The following RGS6 variants were observed in gnomAD, a reference collection of about 807,000 sequenced individuals.
RGS6 encodes regulator of G protein signaling 6, also known as regulator of G-protein signaling 6.
In RGS6, 30 loss-of-function variants were observed where a neutral mutation model predicts 78.5. That is an observed-to-expected ratio of 0.38 (90% CI 0.29 to 0.52). The LOEUF (loss-of-function observed/expected upper bound fraction) is 0.52, where lower values mean the gene tolerates loss of function less well. Among genes scored for constraint, RGS6 ranks in the 20% least tolerant of loss-of-function variants. RGS6 has a pLI of 0.85. For missense variants in RGS6, 495 were observed against 609.7 expected (o/e 0.81, Z 1.98); for synonymous variants, 206 against 206.0 (o/e 1.00, Z 0.00).
At chr14:72,047,698 A>T (rs2153400526) in intron 2 of RGS6, among the ~76,000 whole-genome samples, 1 of 152,152 alleles carries the variant, frequency 6.6e-6, no homozygotes, top group South Asian at 2.1e-4. Flanking sequence ...TTTTGCCTTC[A>T]TATCATGGTT....
intron 2 of RGS6, among the ~76,000 whole-genome samples, chr14:72,323,539 G>A (rs1368483899): frequency 6.6e-6 from 1 of 151,598 alleles, no homozygotes; most frequent in African/African-American, 2.4e-5. Context: ...TTAAGAAAGG[G>A]GGATTAGCCC....
the RGS6 span, among the ~76,000 whole-genome samples, chr14:71,885,056 A>G: frequency 1.3e-5 from 2 of 152,068 alleles, no homozygotes; most frequent in African/African-American, 2.4e-5. Context: ...GTCCAATACT[A>G]TTGCCATCCC....
chr14:72,558,559 A>C (rs2097620385), intron 17 of RGS6, among the ~76,000 whole-genome samples: 2 of 152,176 alleles, frequency 1.3e-5, no homozygotes, highest in Non-Finnish European at 1.5e-5. Context: ...CACTGCACAA[A>C]AGGGGGCTAT....
At chr14:72,047,909 T>TC (rs1397223749) in intron 2 of RGS6, among the ~76,000 whole-genome samples, 2 of 148,116 alleles carry the variant, frequency 1.4e-5, no homozygotes, top group African/African-American at 5.0e-5. Flanking sequence ...TTTTTTTTTT[T>TC]TTTTTTTTTT....
chr14:72,460,529 G>C (rs998841193), intron 6 of RGS6, among the ~76,000 whole-genome samples: 14 of 152,190 alleles, frequency 9.2e-5, no homozygotes, highest in Admixed American at 9.2e-4. Flanking sequence ...GTGACCAACA[G>C]ACACTCACTA....
chr14:72,311,335 A>AT (rs1442112879), intron 2 of RGS6, among the ~76,000 whole-genome samples: 1 of 152,200 alleles, frequency 6.6e-6, no homozygotes, highest in Non-Finnish European at 1.5e-5. Context: ...AGATTCTTAC[A>AT]TTTTTTAAAT....
chr14:72,417,260 C>G (rs1330793128), intron 3 of RGS6, among the ~76,000 whole-genome samples: 2 of 152,240 alleles, frequency 1.3e-5, no homozygotes, highest in East Asian at 1.9e-4. Context: ...CAAATATTCT[C>G]TGTCAACTGA....
chr14:72,190,700 C>T (rs988820142), intron 2 of RGS6, among the ~76,000 whole-genome samples: 1 of 152,218 alleles, frequency 6.6e-6, no homozygotes, highest in East Asian at 1.9e-4. Context: ...CTAGGAGATA[C>T]AATGCAAGGG....
intron 1 of RGS6, among the ~76,000 whole-genome samples, chr14:71,947,488 TTTG>T (rs917604087): frequency 5.9e-5 from 9 of 152,252 alleles, no homozygotes; most frequent in Non-Finnish European, 1.0e-4. Flanking sequence ...AAGAGTCTTT[TTTG>T]TTGTTGTTTT....
At chr14:71,878,222 G>A in the RGS6 span, among the ~76,000 whole-genome samples, 3 of 152,222 alleles carry the variant, frequency 2.0e-5, no homozygotes, top group African/African-American at 2.4e-5. Context: ...AGACAGGGAC[G>A]TTTAAGTCTG....
At chr14:72,548,308 G>A (rs1599002819) in intron 17 of RGS6, among the ~76,000 whole-genome samples, 1 of 150,852 alleles carries the variant, frequency 6.6e-6, no homozygotes, top group Admixed American at 6.6e-5. Flanking sequence ...AAAACAGATA[G>A]CATTTTACCA....
At chr14:72,222,013 A>G (rs554812869) in intron 2 of RGS6, among the ~76,000 whole-genome samples, 1 of 152,284 alleles carries the variant, frequency 6.6e-6, no homozygotes, top group East Asian at 1.9e-4. Flanking sequence ...CTCTTATTCC[A>G]CTTTCATGGT....
At chr14:71,935,433 T>C (rs2088939266) in intron 1 of RGS6, among the ~76,000 whole-genome samples, 1 of 152,214 alleles carries the variant, frequency 6.6e-6, no homozygotes, top group East Asian at 1.9e-4. Context: ...AAATATAAAA[T>C]ATAGCTTGGA....
chr14:72,345,415 A>C (rs1488974618), intron 2 of RGS6, among the ~76,000 whole-genome samples: 1 of 152,254 alleles, frequency 6.6e-6, no homozygotes, highest in Non-Finnish European at 1.5e-5. Context: ...CTTAGCCGAA[A>C]ACAAATTAAT....
intron 15 of RGS6, among the ~76,000 whole-genome samples, chr14:72,522,389 C>T (rs574452942): frequency 6.6e-6 from 1 of 152,338 alleles, no homozygotes; most frequent in Admixed American, 6.5e-5. Flanking sequence ...GGAGACACAA[C>T]ATTCATTCCA....
chr14:72,628,374 A>AT, the RGS6 span, among the ~76,000 whole-genome samples: 2 of 134,946 alleles, frequency 1.5e-5, no homozygotes, highest in South Asian at 2.4e-4. Context: ...AGAATCAAGC[A>AT]TTTTTTTCCT....
At chr14:72,457,355 T>C (rs1167667447) in intron 4 of RGS6, among the ~76,000 whole-genome samples, 1 of 152,270 alleles carries the variant, frequency 6.6e-6, no homozygotes, top group Admixed American at 6.5e-5. Flanking sequence ...GTCCAAAAAT[T>C]AGTTTTAACC....
intron 2 of RGS6, among the ~76,000 whole-genome samples, chr14:71,994,791 T>G (rs761039920): frequency 2.0e-5 from 3 of 151,862 alleles, no homozygotes; most frequent in Non-Finnish European, 4.4e-5. Context: ...CCCCAGAGCC[T>G]TCAGAGGGAG....
chr14:72,602,068 C>T, the RGS6 span, among the ~76,000 whole-genome samples: 2 of 152,216 alleles, frequency 1.3e-5, no homozygotes, highest in Admixed American at 1.3e-4. Context: ...AGGGCTTTAC[C>T]CGCATTGCCT....
Sources: gnomAD v4.1 joint callset for allele counts (sites outside exome capture counted in the v4.1 genomes callset) on GRCh38, gnomAD v4.1.1 for gene constraint, MANE v1.5 for transcripts, NCBI Gene and HGNC (gene_info 2026-07-23, HGNC 2026-07-21) for gene names.